Variants in LINGO2 observed in about 807,000 individuals in gnomAD.
The protein encoded by LINGO2 is leucine-rich repeat and immunoglobulin-like domain-containing nogo receptor-interacting protein 2.
A neutral mutation model predicts 30.6 loss-of-function variants in LINGO2; 14 were observed. The ratio of observed to expected loss-of-function variants is 0.46; its 90% CI spans 0.30 to 0.72. The LOEUF (loss-of-function observed/expected upper bound fraction) is 0.72, where lower values mean the gene tolerates loss of function less well. Among genes scored for constraint, LINGO2 ranks in the 30% least tolerant of loss-of-function variants. The probability of loss-of-function intolerance (pLI) is 0.07; values close to 1 mark genes in which losing one functional copy is unlikely to be tolerated. For missense variants in LINGO2, 729 were observed against 751.7 expected (o/e 0.97, Z 0.35); for synonymous variants, 317 against 288.5 (o/e 1.10, Z -1.00).
intron 4 of LINGO2, among the ~76,000 whole-genome samples, chr9:28,176,978 A>G (rs1333463613): frequency 6.6e-6 from 1 of 152,204 alleles, no homozygotes; most frequent in Non-Finnish European, 1.5e-5. Context: ...TTAACACAAT[A>G]ATACTTCCTC....
At chr9:29,003,935 A>T in the LINGO2 span, among the ~76,000 whole-genome samples, 1 of 151,998 alleles carries the variant, frequency 6.6e-6, no homozygotes, top group African/African-American at 2.4e-5. Context: ...ATAGATTCAA[A>T]TATCTATTTC....
rs566412703 is a variant in LINGO2 at position 28,549,946 on chromosome 9, T to G, written c.-364-73921A>C. On this transcript the variant is annotated intron_variant, in intron 1 of 5. Coordinates refer to ENST00000379992, the Ensembl canonical transcript of LINGO2. ...GACATTTCTTTTCTGTTAGCAATTT[T>G]TAGATGTATTTTAATTATCTTCACA... Among the ~76,000 whole-genome samples, 26 of 152,062 alleles carry G rather than the reference T, an allele frequency of 1.7e-4. No individual in the cohort carries two copies. In the South Asian group the frequency reaches 5.2e-3, roughly 30 times the overall value.
At chr9:28,748,434 C>T in the LINGO2 span, among the ~76,000 whole-genome samples, 2 of 151,834 alleles carry the variant, frequency 1.3e-5, no homozygotes, top group African/African-American at 2.4e-5. Context: ...GTTCCTCACA[C>T]ACTACTATAA....
intron 5 of LINGO2, among the ~76,000 whole-genome samples, chr9:27,961,412 TAC>T (rs1819839757): frequency 6.6e-6 from 1 of 152,010 alleles, no homozygotes; most frequent in Non-Finnish European, 1.5e-5. Flanking sequence ...TGGAGAGAGG[TAC>T]AGACATAGCG....
At chr9:29,041,442 A>G in the LINGO2 span, among the ~76,000 whole-genome samples, 1,269 of 152,178 alleles carry the variant, frequency 8.3e-3, 6 homozygotes, top group Middle Eastern at 0.031. Flanking sequence ...CTGCTACTGT[A>G]TATAGCTATG....
At chr9:28,501,616 G>C (rs190696442) in intron 1 of LINGO2, among the ~76,000 whole-genome samples, 185 of 152,164 alleles carry the variant, frequency 1.2e-3, no homozygotes, top group Admixed American at 6.4e-3. Context: ...CTCAATTTGG[G>C]GAAGGGATGG....
At chr9:28,908,470 G>C in the LINGO2 span, among the ~76,000 whole-genome samples, 1 of 151,786 alleles carries the variant, frequency 6.6e-6, no homozygotes, top group African/African-American at 2.4e-5. Flanking sequence ...TACCATGTTG[G>C]CTGACTATCC....
chr9:29,204,342 T>C, the LINGO2 span, among the ~76,000 whole-genome samples: 1 of 152,238 alleles, frequency 6.6e-6, no homozygotes, highest in Non-Finnish European at 1.5e-5. Flanking sequence ...TCATTTCTTA[T>C]ATGCACATAA....
chr9:28,106,793 A>T (rs1047457221), intron 4 of LINGO2, among the ~76,000 whole-genome samples: 44 of 152,160 alleles, frequency 2.9e-4, no homozygotes, highest in African/African-American at 9.4e-4. Flanking sequence ...CTGGGGGAAA[A>T]ATAGCTATAT....
chr9:29,073,940 A>G, the LINGO2 span, among the ~76,000 whole-genome samples: 2 of 152,180 alleles, frequency 1.3e-5, no homozygotes, highest in Non-Finnish European at 2.9e-5. Flanking sequence ...GAAAGGGCCT[A>G]TAACTATGAA....
rs142588495 is a variant in LINGO2 at position 28,215,544 on chromosome 9, A to G, written c.-87+79664T>C. ...TCACATTTTTTGAGCTGGAAGAGCA[A>G]GTGAATATTTTCTTTTCATGTATTG... is the stretch of plus-strand genomic sequence containing the variant. On this transcript the variant is annotated intron_variant, in intron 4 of 5. Coordinates refer to ENST00000379992, the Ensembl canonical transcript of LINGO2. Among the ~76,000 whole-genome samples, 936 of 151,998 alleles carry G rather than the reference A, an allele frequency of 6.2e-3. 19 individuals carry two copies. The highest frequency in any genetic ancestry group is 0.022 in the African/African-American group (898 of 41,508).
intron 1 of LINGO2, among the ~76,000 whole-genome samples, chr9:28,489,947 T>C (rs893287512): frequency 6.7e-6 from 1 of 148,180 alleles, no homozygotes; most frequent in Non-Finnish European, 1.5e-5. Context: ...CATATAGGTA[T>C]GATTTATGTA....
At chr9:28,661,619 T>A (rs189510555) in intron 1 of LINGO2, among the ~76,000 whole-genome samples, 1 of 152,308 alleles carries the variant, frequency 6.6e-6, no homozygotes, top group East Asian at 1.9e-4. Flanking sequence ...TCTGTAAACA[T>A]ATTGAAACAT....
chr9:28,861,705 A>T, the LINGO2 span, among the ~76,000 whole-genome samples: 4 of 152,018 alleles, frequency 2.6e-5, no homozygotes, highest in Non-Finnish European at 5.9e-5. Flanking sequence ...TCAAGGCTGA[A>T]GTGAGCTATG....
At chr9:28,069,439 A>G (rs1825408624) in intron 4 of LINGO2, among the ~76,000 whole-genome samples, 1 of 152,160 alleles carries the variant, frequency 6.6e-6, no homozygotes, top group Non-Finnish European at 1.5e-5. Flanking sequence ...AGGTTGTCTA[A>G]TGTTCATAAC....
At position 28,129,939 on chromosome 9, in the gene LINGO2, G is replaced by C. The variant is rs1827338843; in HGVS notation, c.-86-117534C>G. Among the ~76,000 whole-genome samples the C allele has an allele frequency of 6.6e-6, 1 of 152,220 alleles. No homozygotes were observed. Among genetic ancestry groups the C allele is most frequent in the African/African-American group, 2.4e-5 (1 of 41,460 alleles). ...AGATCCGTGTTTTGAGCCAGAACAT[G>C]TGAATCTTTGTGGTATAACAACTTA... On this transcript the variant is annotated intron_variant, in intron 4 of 5. Transcript: ENST00000379992. The surrounding 1 kb of genome is among the most constrained non-coding windows in gnomAD (Gnocchi z 4.0).
chr9:29,157,401 C>T, the LINGO2 span, among the ~76,000 whole-genome samples: 1 of 152,144 alleles, frequency 6.6e-6, no homozygotes, highest in African/African-American at 2.4e-5. Context: ...GATGAGCAGG[C>T]ATCATTCTGA....
intron 3 of LINGO2, among the ~76,000 whole-genome samples, chr9:28,324,772 C>A (rs1478599108): frequency 6.6e-6 from 1 of 152,040 alleles, no homozygotes; most frequent in Non-Finnish European, 1.5e-5. Context: ...ATAAACTAAC[C>A]CTTGTTTAAC....
the LINGO2 span, among the ~76,000 whole-genome samples, chr9:29,193,380 T>TA: frequency 2.0e-5 from 3 of 152,138 alleles, no homozygotes; most frequent in South Asian, 6.2e-4. Flanking sequence ...AGTCCCATCA[T>TA]AGGCATTGTG....
Sources: allele counts gnomAD v4.1 joint callset (sites outside exome capture counted in the v4.1 genomes callset), GRCh38; gene constraint gnomAD v4.1.1; non-coding constraint Gnocchi (gnomAD v3.1); transcripts MANE v1.5; gene names NCBI Gene and HGNC (gene_info 2026-07-23, HGNC 2026-07-21).